WASHC4: variants seen among roughly 807,000 people sequenced by gnomAD.
The protein encoded by WASHC4 is WASH complex subunit 7.
Under a neutral mutation model 166.6 loss-of-function variants are expected in WASHC4, and 86 were observed. That is an observed-to-expected ratio of 0.52 (90% confidence interval 0.43 to 0.62). The LOEUF is 0.62. Among genes scored for constraint, WASHC4 ranks in the 20% least tolerant of loss-of-function variants. WASHC4 has a pLI of 0.00. For missense variants in WASHC4, 1,262 were observed against 1,382.4 expected (o/e 0.91, Z 1.38); for synonymous variants, 446 against 451.6 (o/e 0.99, Z 0.16).
At chr12:105,120,092 C>CA (rs1156687463) in intron 7 of WASHC4, among the ~76,000 whole-genome samples, 1 of 151,928 alleles carries the variant, frequency 6.6e-6, no homozygotes, top group African/African-American at 2.4e-5. Context: ...CAAAACAAAA[C>CA]AAAAAAACAA....
In WASHC4 at chr12:105,107,774, G is replaced by T. The variant is rs1192434574; in HGVS notation, c.-27G>T. ...GTCGTCGCCGCACGGGCTGGTTGGG[G>T]CTGTGTCTGTGGGAGGCGCCGGGGT... On this transcript the variant is annotated 5_prime_UTR_variant, in exon 1 of 33. Transcript: ENST00000332180. The T allele has an allele frequency of 2.6e-6, 4 of 1,539,046 alleles. No individual in the cohort carries two copies. In the Admixed American group the frequency reaches 7.8e-5, roughly 30 times the overall value.
intron 7 of WASHC4, among the ~76,000 whole-genome samples, chr12:105,119,596 A>G (rs1880525742): frequency 6.6e-6 from 1 of 152,088 alleles, no homozygotes; most frequent in Admixed American, 6.5e-5. Context: ...TCTTTTCACT[A>G]AAGCTCTCAT....
At chr12:105,161,639 T>C (rs984721588) in intron 29 of WASHC4, among the ~76,000 whole-genome samples, 11 of 152,226 alleles carry the variant, frequency 7.2e-5, no homozygotes, top group Non-Finnish European at 1.3e-4. Flanking sequence ...GTGTTTGTAG[T>C]GTAGTTCCAG....
intron 1 of WASHC4, among the ~76,000 whole-genome samples, chr12:105,109,306 A>G (rs1186850708): frequency 6.6e-6 from 1 of 152,190 alleles, no homozygotes; most frequent in Non-Finnish European, 1.5e-5. Flanking sequence ...ATGTTAATTG[A>G]GTTTGAAAAT....
chr12:105,139,641 A>G (rs1420123632), intron 15 of WASHC4, among the ~76,000 whole-genome samples: 3 of 151,246 alleles, frequency 2.0e-5, no homozygotes, highest in Non-Finnish European at 4.4e-5. Flanking sequence ...TTTATTAACT[A>G]TGTTTCTTCT....
rs1383042445 is a variant in WASHC4 at position 105,156,808 on chromosome 12, T to A, written c.2825+16T>A. ...ATGCCATTAGGTATGGATGCAAACATCATTTTTGCCTTGTTTATGCCATTT... is the reference window on the plus strand; with the variant it reads ...ATGCCATTAGGTATGGATGCAAACAACATTTTTGCCTTGTTTATGCCATTT... On this transcript the variant is annotated intron_variant, in intron 27 of 32. Coordinates refer to ENST00000332180, the MANE Select transcript of WASHC4 (RefSeq NM_015275.3). 1 of 1,602,400 alleles carries A rather than the reference T, an allele frequency of 6.2e-7. No individual in the cohort carries two copies. The highest frequency in any genetic ancestry group is 8.5e-7 in the Non-Finnish European group (1 of 1,170,022).
rs756127730 is a variant in WASHC4, at chr12:105,126,035, A to G, written c.818A>G (p.Asn273Ser). The G allele has an allele frequency of 1.8e-5, 29 of 1,612,416 alleles. No individual in the cohort carries two copies. The highest frequency in any genetic ancestry group is 2.7e-5 in the African/African-American group (2 of 74,878). The stretch of plus-strand genomic sequence containing the variant: ...ATAGAACAACAATTTGATTCTCTCA[A>G]TGGAGGAGTATCTGTGTCAAAAAAT... ...ACIEQQFDSL[N>S]GGVSVSKNST... Residue 273 changes from asparagine to serine, a missense_variant, in exon 11 of 33, where the codon AAT (asparagine) becomes AGT (serine). Asn to Ser is a conservative substitution (Grantham distance 46). Transcript: ENST00000332180.
At chr12:105,109,953 A>C (rs1879503696) in intron 1 of WASHC4, among the ~76,000 whole-genome samples, 1 of 152,158 alleles carries the variant, frequency 6.6e-6, no homozygotes, top group Admixed American at 6.5e-5. Flanking sequence ...TTGACTGGTC[A>C]TTTCCTGTGT....
chr12:105,166,368 A>G (rs1253265520), intron 32 of WASHC4, among the ~76,000 whole-genome samples: 2 of 152,136 alleles, frequency 1.3e-5, no homozygotes, highest in Non-Finnish European at 2.9e-5. Flanking sequence ...TTATTTTAAG[A>G]AATAATATAT....
At chr12:105,111,757 C>A (rs991692586) in intron 2 of WASHC4, among the ~76,000 whole-genome samples, 6 of 152,066 alleles carry the variant, frequency 3.9e-5, no homozygotes, top group African/African-American at 4.8e-5. Context: ...ATTACTCTTT[C>A]CATTTTGAAA....
intron 25 of WASHC4, among the ~76,000 whole-genome samples, chr12:105,150,364 C>T (rs1241901883): frequency 6.6e-6 from 1 of 152,198 alleles, no homozygotes; most frequent in African/African-American, 2.4e-5. Context: ...AAATCTCAGA[C>T]TTTCTGAAAA....
In WASHC4 at chr12:105,166,865, A is replaced by G; in HGVS notation, c.3456A>G (p.Glu1152=). ...TATTATTTTCACTCATGCTTTCAGA[A>G]GAAACTAAAACAAGCAATGGAGACC... is the stretch of plus-strand genomic sequence containing the variant. ...EENQEKKEKE[E]ETKTSNGDLS... Residue 1152 remains glutamate (E), a splice_region_variant and synonymous_variant, in exon 33 of 33, where the codon GAA becomes GAG. Coordinates refer to ENST00000332180, the MANE Select transcript of WASHC4 (RefSeq NM_015275.3). 6.3e-7 allele frequency: 1 copy of G among 1,595,474 alleles called. No individual in the cohort carries two copies. The highest frequency in any genetic ancestry group is 8.6e-7 in the Non-Finnish European group (1 of 1,167,320).
intron 2 of WASHC4, among the ~76,000 whole-genome samples, chr12:105,113,467 C>G (rs1171070314): frequency 1.3e-5 from 2 of 151,988 alleles, no homozygotes; most frequent in East Asian, 1.9e-4. Flanking sequence ...CGCAGTTGCT[C>G]TCTTCGGAAC....
chr12:105,135,088 A>C (rs954008293), intron 14 of WASHC4, among the ~76,000 whole-genome samples: 1 of 151,526 alleles, frequency 6.6e-6, no homozygotes, highest in Non-Finnish European at 1.5e-5. Flanking sequence ...AAACAGCTTT[A>C]GTTCTATTTA....
chr12:105,109,649 CTTTTTTTTTTT>C (rs36080234), intron 1 of WASHC4, among the ~76,000 whole-genome samples: 2 of 97,624 alleles, frequency 2.0e-5, no homozygotes, highest in Non-Finnish European at 4.1e-5. Context: ...CTAGCATTGT[CTTTTTTTTTTT>C]TTTTTTTTTT....
Position 105,114,331 on chromosome 12 carries a change from CTTTTTATTTTG to C in WASHC4, c.256-24_256-14del. The C allele has an allele frequency of 6.3e-7, 1 of 1,595,278 alleles. No homozygotes were observed. Among genetic ancestry groups the C allele is most frequent in the Non-Finnish European group, 8.6e-7 (1 of 1,166,950 alleles). On this transcript the variant is annotated intron_variant, in intron 3 of 32. Coordinates refer to ENST00000332180, the MANE Select transcript of WASHC4 (RefSeq NM_015275.3). Reference sequence around the variant, plus strand: ...TGTTTTAGTTATCTGTAACAATTTACTTTTTATTTTGTTTTTACTCATGAAACTAGGTCTTA... The same window carrying C: ...TGTTTTAGTTATCTGTAACAATTTACTTTTTACTCATGAAACTAGGTCTTA...
chr12:105,126,231 T>G lies in WASHC4; in HGVS notation c.911-4T>G. ...TGCTTTCTCTTATGTTATTGATTTG[T>G]AAGGAGAACCTTCTGAAATTGACCA... On this transcript the variant is annotated splice_polypyrimidine_tract_variant and splice_region_variant and intron_variant, in intron 11 of 32. Coordinates refer to ENST00000332180, the MANE Select transcript of WASHC4 (RefSeq NM_015275.3). The G allele has an allele frequency of 6.2e-7, 1 of 1,612,710 alleles. No individual in the cohort carries two copies. The highest frequency in any genetic ancestry group is 8.5e-7 in the Non-Finnish European group (1 of 1,179,062).
intron 12 of WASHC4, 116 bp from the exon 13 acceptor site, chr12:105,127,013 T>C: frequency 1.2e-6 from 1 of 838,836 alleles, no homozygotes; most frequent in Non-Finnish European, 2.0e-6. Context: ...TAAGTATTTT[T>C]TGTGGTTATT....
chr12:105,153,066 G>A lies in WASHC4; in HGVS notation c.2758+615G>A, dbSNP rs114489245. On this transcript the variant is annotated intron_variant, in intron 26 of 32. Coordinates refer to ENST00000332180, the MANE Select transcript of WASHC4 (RefSeq NM_015275.3). ...ATAGGCATGTAATCGTTTTAAAGATGAAAAAAGAGAAACTTAGAGAAAGAA... is the reference window on the plus strand; with the variant it reads ...ATAGGCATGTAATCGTTTTAAAGATAAAAAAAGAGAAACTTAGAGAAAGAA... Among the ~76,000 whole-genome samples, 272 of 152,194 alleles carry A rather than the reference G, an allele frequency of 1.8e-3. 2 individuals are homozygous for A. The highest frequency in any genetic ancestry group is 6.0e-3 in the African/African-American group (250 of 41,544).
Sources: gnomAD v4.1 joint callset for allele counts (sites outside exome capture counted in the v4.1 genomes callset) on GRCh38, gnomAD v4.1.1 for gene constraint, MANE v1.5 for transcripts, NCBI Gene and HGNC (gene_info 2026-07-23, HGNC 2026-07-21) for gene names.